Variants in MNAT1 observed in about 807,000 individuals in gnomAD.
The protein encoded by MNAT1 is CDK-activating kinase assembly factor MAT1.
Under a neutral mutation model 42.0 loss-of-function variants are expected in MNAT1, and 43 were observed. The ratio of observed to expected loss-of-function variants is 1.02; its 90% CI spans 0.80 to 1.32. The LOEUF is 1.32. MNAT1 is among the 40% of genes most tolerant of loss of function. The pLI is 0.00. For missense variants in MNAT1, 306 were observed against 350.4 expected, an observed-to-expected ratio of 0.87 and a Z score of 1.01; for synonymous variants, 118 against 120.0, an observed-to-expected ratio of 0.98 and a Z score of 0.11.
chr14:60,953,414 A>T lies in MNAT1; in HGVS notation c.810-14815A>T, dbSNP rs2036420345. On this transcript the variant is annotated intron_variant, in intron 7 of 7. Coordinates refer to ENST00000261245, the MANE Select transcript of MNAT1 (RefSeq NM_002431.4). ...AAAAGGGGAAAGATAGAAAGCAACA[A>T]TATTATTGTTGGAATAGACGTAGGA... 2.6e-5 allele frequency among the ~76,000 whole-genome samples: 4 copies of T among 152,244 alleles called. No homozygotes were observed. In the South Asian group the frequency reaches 8.3e-4, roughly 32 times the overall value.
intron 6 of MNAT1, among the ~76,000 whole-genome samples, chr14:60,827,929 A>G (rs749910407): frequency 2.6e-5 from 4 of 152,196 alleles, no homozygotes; most frequent in Non-Finnish European, 5.9e-5. Context: ...CTGAAGAGTT[A>G]CATGTAAGTA....
chr14:60,968,488 A>T lies in MNAT1; in HGVS notation c.*139A>T. The T allele has an allele frequency of 6.6e-7, 1 of 1,503,872 alleles. No individual in the cohort carries two copies. The highest frequency in any genetic ancestry group is 8.9e-7 in the Non-Finnish European group (1 of 1,129,820). The allele number at this position is 1,503,872 out of a possible 1,614,324, so 93.2% of individuals were successfully genotyped here. A position where few individuals can be genotyped will look rare whatever the true frequency, so the allele number is the denominator to read the frequency against. On this transcript the variant is annotated 3_prime_UTR_variant, in exon 8 of 8. Coordinates refer to ENST00000261245, the MANE Select transcript of MNAT1 (RefSeq NM_002431.4). ...GTGTTAAAGTATTTATAAGGAGAAAATTTCAGAACTAAGTTGAGTAATATA... is the reference window on the plus strand; with the variant it reads ...GTGTTAAAGTATTTATAAGGAGAAATTTTCAGAACTAAGTTGAGTAATATA...
intron 3 of MNAT1, among the ~76,000 whole-genome samples, chr14:60,800,045 C>T (rs976739307): frequency 1.3e-5 from 2 of 152,140 alleles, no homozygotes; most frequent in African/African-American, 2.4e-5. Context: ...ATAAAAGGTA[C>T]TCACTGATAC....
intron 7 of MNAT1, among the ~76,000 whole-genome samples, chr14:60,966,612 A>G (rs2036688072): frequency 6.6e-6 from 1 of 152,214 alleles, no homozygotes; most frequent in Non-Finnish European, 1.5e-5. Context: ...TCCTGGGTTC[A>G]AGTGATTCTC....
intron 7 of MNAT1, among the ~76,000 whole-genome samples, chr14:60,906,737 T>C (rs951911581): frequency 6.6e-6 from 1 of 152,206 alleles, no homozygotes. Flanking sequence ...CTTTTTAAAA[T>C]GAACATGTAC....
intron 1 of MNAT1, among the ~76,000 whole-genome samples, chr14:60,742,592 C>T (rs1455621310): frequency 6.6e-6 from 1 of 152,100 alleles, no homozygotes; most frequent in African/African-American, 2.4e-5. Flanking sequence ...TTAGTATATT[C>T]TCAGAGATGT....
intron 4 of MNAT1, chr14:60,808,699 G>A: frequency 5.2e-6 from 1 of 191,578 alleles, no homozygotes; most frequent in Non-Finnish European, 1.1e-5. Context: ...AGTTTTATCT[G>A]CCTGTATAAT....
At chr14:60,763,919 G>GT (rs2140301728) in intron 1 of MNAT1, among the ~76,000 whole-genome samples, 1 of 152,284 alleles carries the variant, frequency 6.6e-6, no homozygotes, top group East Asian at 1.9e-4. Flanking sequence ...TTTGCTTCAT[G>GT]TAAACTAGTT....
intron 1 of MNAT1, among the ~76,000 whole-genome samples, chr14:60,742,228 G>A (rs2140284675): frequency 6.6e-6 from 1 of 152,084 alleles, no homozygotes; most frequent in South Asian, 2.1e-4. Context: ...TGGGACTACA[G>A]GTGTGCACTG....
chr14:60,888,042 C>G lies in MNAT1; in HGVS notation c.809+8207C>G, dbSNP rs551990658. 4.6e-4 allele frequency among the ~76,000 whole-genome samples: 69 copies of G among 150,214 alleles called. 1 individual carries two copies. The highest frequency in any genetic ancestry group is 1.6e-3 in the African/African-American group (66 of 40,754). On this transcript the variant is annotated intron_variant, in intron 7 of 7. Transcript: ENST00000261245. ...GTACAAGGAGGAACTGGTACCATTC[C>G]TTCTGAAACTATTCCAATCAATAGA... is the stretch of plus-strand genomic sequence containing the variant.
intron 7 of MNAT1, among the ~76,000 whole-genome samples, chr14:60,955,548 G>C (rs1258170454): frequency 2.6e-5 from 4 of 152,214 alleles, no homozygotes; most frequent in Admixed American, 1.3e-4. Flanking sequence ...TGTAATCCCA[G>C]CTACTGGGAG....
At chr14:60,750,270 A>G (rs1000330615) in intron 1 of MNAT1, among the ~76,000 whole-genome samples, 1 of 149,226 alleles carries the variant, frequency 6.7e-6, no homozygotes, top group South Asian at 2.1e-4. Flanking sequence ...TCTGTCGCCC[A>G]GGCTGGAGTG....
Position 60,818,833 on chromosome 14 carries a change from A to G in MNAT1, c.673A>G (p.Thr225Ala). ...ACCTGTAAAACCAGTGACGTTTTCC[A>G]CAGGCATCAAAATGGTAAGCCTTAT... is the stretch of plus-strand genomic sequence containing the variant. ...PKPVKPVTFS[T>A]GIKMGQHISL... The change falls in exon 6 of 8, where the codon ACA becomes GCA. Residue 225 changes from threonine to alanine, a missense_variant. Thr to Ala is a moderately conservative substitution (Grantham distance 58). This residue lies in a region of MNAT1 where 116 missense variants were observed against 139.6 expected (regional missense o/e 0.83). Coordinates refer to ENST00000261245, the MANE Select transcript of MNAT1 (RefSeq NM_002431.4). 2 of 1,612,508 alleles carry G rather than the reference A, an allele frequency of 1.2e-6. No individual in the cohort carries two copies. Among genetic ancestry groups the G allele is most frequent in the Non-Finnish European group, 1.7e-6 (2 of 1,179,040 alleles).
In MNAT1 at chr14:60,863,060, T is replaced by TAAC. The variant is rs200010565; in HGVS notation, c.688-16633_688-16631dup. 3.1e-3 allele frequency among the ~76,000 whole-genome samples: 467 copies of TAAC among 152,022 alleles called. 6 individuals carry two copies. The highest frequency in any genetic ancestry group is 0.026 in the East Asian group (135 of 5,176). On this transcript the variant is annotated intron_variant, in intron 6 of 7. Transcript: ENST00000261245. ...GTTTGTGATCGAAAGATTCGAAATT[T>TAAC]AACAACAACAACAACAACAACAAAG...
At position 60,812,043 on chromosome 14, in the gene MNAT1, A is replaced by G. The variant is rs749009725; in HGVS notation, c.477A>G (p.Glu159=). The stretch of plus-strand genomic sequence containing the variant: ...TAGAAGTGGAACGACAGGAAAATGA[A>G]CAAAGAAGATTATTTATACAAAAAG... ...EALEVERQEN[E]QRRLFIQKEE... Residue 159 remains glutamate, a synonymous_variant, in exon 5 of 8, where the codon GAA becomes GAG. Transcript: ENST00000261245. The G allele has an allele frequency of 1.9e-5, 31 of 1,606,436 alleles. No individual in the cohort carries two copies. The highest frequency in any genetic ancestry group is 2.5e-5 in the Non-Finnish European group (30 of 1,177,832).
At chr14:60,787,156 G>A (rs2031677098) in intron 1 of MNAT1, among the ~76,000 whole-genome samples, 1 of 152,076 alleles carries the variant, frequency 6.6e-6, no homozygotes, top group African/African-American at 2.4e-5. Context: ...ACATATTGCT[G>A]GTTTGGTTTC....
intron 7 of MNAT1, among the ~76,000 whole-genome samples, chr14:60,959,815 T>G (rs2139618501): frequency 6.6e-6 from 1 of 152,298 alleles, no homozygotes; most frequent in South Asian, 2.1e-4. Context: ...TTGCTTTTCT[T>G]TATAGCTTTG....
At chr14:60,779,329 T>C (rs1021768078) in intron 1 of MNAT1, among the ~76,000 whole-genome samples, 1 of 152,192 alleles carries the variant, frequency 6.6e-6, no homozygotes, top group African/African-American at 2.4e-5. Context: ...TGGATCGCTC[T>C]ACTGGCAAGC....
chr14:60,807,226 C>T (rs2032400035), intron 3 of MNAT1, among the ~76,000 whole-genome samples: 1 of 152,116 alleles, frequency 6.6e-6, no homozygotes, highest in Non-Finnish European at 1.5e-5. Flanking sequence ...TCAAACTGGT[C>T]ATTTGAGTCT....
Sources: gnomAD v4.1 joint callset for allele counts (sites outside exome capture counted in the v4.1 genomes callset) on GRCh38, gnomAD v4.1.1 for gene constraint, gnomAD v4.1.1 regional missense constraint, MANE v1.5 for transcripts, NCBI Gene and HGNC (gene_info 2026-07-23, HGNC 2026-07-21) for gene names.